MTUS2: variants seen among roughly 807,000 people sequenced by gnomAD.
MTUS2 encodes the protein microtubule-associated tumor suppressor candidate 2.
A neutral mutation model predicts 114.1 loss-of-function variants in MTUS2; 40 were observed. That is an observed-to-expected ratio of 0.35 (90% CI 0.27 to 0.46). The LOEUF is 0.46. Ranked by LOEUF, MTUS2 falls within the 20% of genes least tolerant of loss-of-function variation. The pLI is 1.00. For missense variants in MTUS2, 1,679 were observed against 1,705.4 expected, an observed-to-expected ratio of 0.98 and a Z score of 0.27; for synonymous variants, 688 against 672.0, an observed-to-expected ratio of 1.02 and a Z score of -0.37.
intron 14 of MTUS2, 47 bp downstream of exon 14, chr13:29,498,584 G>A: frequency 6.2e-7 from 1 of 1,610,362 alleles, no homozygotes; most frequent in Non-Finnish European, 8.5e-7. Context: ...TGACATTCCT[G>A]CTGTCATCAC....
chr13:29,286,222 G>A (rs943117678), intron 6 of MTUS2, among the ~76,000 whole-genome samples: 2 of 152,122 alleles, frequency 1.3e-5, no homozygotes, highest in Non-Finnish European at 2.9e-5. Flanking sequence ...CACCGCACCC[G>A]AATTATTGTT....
intron 2 of MTUS2, among the ~76,000 whole-genome samples, chr13:28,900,798 G>A (rs1183024661): frequency 6.6e-6 from 1 of 152,194 alleles, no homozygotes; most frequent in African/African-American, 2.4e-5. Flanking sequence ...CAGACATTTA[G>A]GAGTTCAGCA....
intron 2 of MTUS2, among the ~76,000 whole-genome samples, chr13:28,889,736 T>C (rs1878804760): frequency 6.6e-6 from 1 of 152,114 alleles, no homozygotes; most frequent in Non-Finnish European, 1.5e-5. Context: ...TTCTAAGTGA[T>C]TCCATAATAA....
chr13:28,877,617 A>G (rs1226335466), intron 2 of MTUS2, among the ~76,000 whole-genome samples: 1 of 152,208 alleles, frequency 6.6e-6, no homozygotes, highest in Admixed American at 6.5e-5. Flanking sequence ...CAGTTAAAAG[A>G]AGTGAATTTG....
At chr13:29,065,756 T>C (rs1331559138) in intron 4 of MTUS2, among the ~76,000 whole-genome samples, 1 of 152,218 alleles carries the variant, frequency 6.6e-6, no homozygotes, top group Admixed American at 6.5e-5. Context: ...CCCCAGATTC[T>C]CTATTTATTA....
intron 2 of MTUS2, among the ~76,000 whole-genome samples, chr13:28,992,129 T>C (rs1884888702): frequency 6.6e-6 from 1 of 152,202 alleles, no homozygotes. Context: ...GTGACACCTC[T>C]TCTGGCCTGA....
chr13:29,446,485 G>A (rs1878291380), intron 9 of MTUS2, among the ~76,000 whole-genome samples: 1 of 152,124 alleles, frequency 6.6e-6, no homozygotes, highest in Admixed American at 6.5e-5. Flanking sequence ...TCATTTCATA[G>A]CCATAAAATG....
rs1881083052 is a variant in MTUS2, at chr13:29,480,508, C to T, written c.3399+144C>T. On this transcript the variant is annotated intron_variant, in intron 10 of 15. Coordinates refer to ENST00000612955, the MANE Select transcript of MTUS2 (RefSeq NM_001033602.4). This position sits in a 1 kb window ranked among gnomAD's most constrained non-coding sequence, Gnocchi z 4.4. The stretch of plus-strand genomic sequence containing the variant: ...CTTTCTGAGTTGCTTTCTCCTTTCT[C>T]CCCGCTCCTCTCTTCTCCTCCAGCC... 2 of 902,882 alleles carry T rather than the reference C, an allele frequency of 2.2e-6. No homozygotes were observed. The highest frequency in any genetic ancestry group is 3.2e-6 in the Non-Finnish European group (2 of 618,992). The allele number at this position is 902,882 out of a possible 1,614,324, so 55.9% of individuals were successfully genotyped here. A position where few individuals can be genotyped will look rare whatever the true frequency, so the allele number is the denominator to read the frequency against.
At chr13:29,501,312 C>T in intron 15 of MTUS2, 118 bp downstream of exon 15, 2 of 750,098 alleles carry the variant, frequency 2.7e-6, no homozygotes, top group Middle Eastern at 2.5e-4. Flanking sequence ...TTGCTGTTTT[C>T]CCCAAGACCT....
chr13:29,311,994 C>G (rs555288649), intron 6 of MTUS2, among the ~76,000 whole-genome samples: 1 of 152,256 alleles, frequency 6.6e-6, no homozygotes, highest in South Asian at 2.1e-4. Flanking sequence ...ACCCTGCTCT[C>G]CCTGACCTGC....
At chr13:29,331,308 G>A (rs901479935) in intron 7 of MTUS2, among the ~76,000 whole-genome samples, 2 of 152,204 alleles carry the variant, frequency 1.3e-5, no homozygotes, top group African/African-American at 4.8e-5. Flanking sequence ...CTTTGGTGAA[G>A]TTGCTTATCA....
At chr13:29,199,712 G>A (rs1375259066) in intron 5 of MTUS2, among the ~76,000 whole-genome samples, 14 of 152,094 alleles carry the variant, frequency 9.2e-5, no homozygotes, top group African/African-American at 3.4e-4. Context: ...CATAAAATGA[G>A]TTAGGGAGGA....
chr13:29,157,187 T>G (rs1007165335), intron 5 of MTUS2, among the ~76,000 whole-genome samples: 5 of 152,212 alleles, frequency 3.3e-5, no homozygotes, highest in African/African-American at 1.2e-4. Flanking sequence ...GGAGCATATC[T>G]GCACATATCT....
intron 5 of MTUS2, among the ~76,000 whole-genome samples, chr13:29,161,968 C>T (rs571845555): frequency 1.3e-5 from 2 of 152,324 alleles, no homozygotes; most frequent in Admixed American, 6.5e-5. Context: ...CTTATATTTC[C>T]AGCTCACTCC....
chr13:29,157,809 CAGATATAGATGT>C (rs1433686962), intron 5 of MTUS2, among the ~76,000 whole-genome samples: 75 of 148,762 alleles, frequency 5.0e-4, no homozygotes, highest in Admixed American at 9.4e-4. Flanking sequence ...GATATAGATA[CAGATATAGATGT>C]AGATATAGAT....
At chr13:29,276,190 G>C (rs1203629329) in intron 5 of MTUS2, among the ~76,000 whole-genome samples, 1 of 152,214 alleles carries the variant, frequency 6.6e-6, no homozygotes, top group Admixed American at 6.5e-5. Flanking sequence ...GGAAGAATAA[G>C]ATTGCATTCC....
intron 6 of MTUS2, among the ~76,000 whole-genome samples, chr13:29,313,882 T>A (rs9508347): frequency 0.38 from 57,319 of 151,900 alleles, 11,826 homozygotes; most frequent in Non-Finnish European, 0.47. Flanking sequence ...GTAGCAACCC[T>A]GGAAGTTAAA....
chr13:29,365,711 C>T (rs922276322), intron 8 of MTUS2, among the ~76,000 whole-genome samples: 2 of 152,116 alleles, frequency 1.3e-5, no homozygotes, highest in African/African-American at 4.8e-5. Flanking sequence ...TTCAGCATAG[C>T]CTTCCTGTAG....
At chr13:29,497,210 G>A in intron 12 of MTUS2, 28 bp from the exon 13 acceptor site, 1 of 1,603,542 alleles carries the variant, frequency 6.2e-7, no homozygotes, top group Non-Finnish European at 8.5e-7. Flanking sequence ...AGTGGCCCCA[G>A]CTGGACTCCT....
Sources: allele counts gnomAD v4.1 joint callset (sites outside exome capture counted in the v4.1 genomes callset), GRCh38; gene constraint gnomAD v4.1.1; non-coding constraint Gnocchi (gnomAD v3.1); transcripts MANE v1.5; gene names NCBI Gene and HGNC (gene_info 2026-07-23, HGNC 2026-07-21).